The following DGKI variants were observed in gnomAD, a reference collection of about 807,000 sequenced individuals.
DGKI encodes diacylglycerol kinase iota, also known as DAG kinase iota.
In DGKI, 55 loss-of-function variants were observed where a neutral mutation model predicts 147.5. The observed-to-expected ratio is 0.37, with a 90% CI of 0.30 to 0.47. DGKI has a LOEUF of 0.47. Among genes scored for constraint, DGKI ranks in the 20% least tolerant of loss-of-function variants. The pLI, the probability that DGKI is intolerant of heterozygous loss-of-function variation, is 1.00. For synonymous variants in DGKI, 469 were observed against 477.1 expected, an observed-to-expected ratio of 0.98 and a Z score of 0.22; for missense variants, 1,007 against 1,323.8, an observed-to-expected ratio of 0.76 and a Z score of 3.71.
intron 19 of DGKI, among the ~76,000 whole-genome samples, chr7:137,553,998 C>T (rs1818136415): frequency 1.3e-5 from 2 of 152,106 alleles, no homozygotes; most frequent in African/African-American, 4.8e-5. Context: ...TGAAGTCATA[C>T]ACAGTAGTCT....
intron 4 of DGKI, among the ~76,000 whole-genome samples, chr7:137,655,946 C>T (rs1357614241): frequency 2.6e-5 from 4 of 152,206 alleles, no homozygotes; most frequent in Non-Finnish European, 4.4e-5. Flanking sequence ...ACACCACCAC[C>T]GGGATGTCAC....
intron 8 of DGKI, among the ~76,000 whole-genome samples, chr7:137,610,658 G>T (rs555211669): frequency 4.6e-4 from 70 of 152,164 alleles, no homozygotes; most frequent in Non-Finnish European, 7.6e-4. Context: ...ATATATGCAT[G>T]CATTGTTTGA....
At chr7:137,625,359 C>T (rs1820895156) in intron 6 of DGKI, among the ~76,000 whole-genome samples, 1 of 152,028 alleles carries the variant, frequency 6.6e-6, no homozygotes, top group South Asian at 2.1e-4. Flanking sequence ...ACTCGGGAGG[C>T]TGAGTCAGGA....
In DGKI at chr7:137,454,282, A is replaced by G. The variant is rs80130452; in HGVS notation, c.2735+9207T>C. ...TTAAAAAGTCTAAAAACTAATTTTA[A>G]AAAAACGCTGTTTTACCTTTAGCAT... On this transcript the variant is annotated intron_variant, in intron 27 of 32. Transcript: ENST00000614521. Among the ~76,000 whole-genome samples, 842 of 152,332 alleles carry G rather than the reference A, an allele frequency of 5.5e-3. 7 individuals are homozygous for G. The highest frequency in any genetic ancestry group is 0.019 in the African/African-American group (796 of 41,586).
At chr7:137,662,463 T>G (rs1014384339) in intron 3 of DGKI, among the ~76,000 whole-genome samples, 4 of 152,104 alleles carry the variant, frequency 2.6e-5, no homozygotes, top group African/African-American at 7.2e-5. Context: ...CGGGATGGTC[T>G]CGATCTCCTG....
chr7:137,428,719 T>G (rs1395238031), intron 28 of DGKI, among the ~76,000 whole-genome samples: 5 of 152,038 alleles, frequency 3.3e-5, no homozygotes, highest in African/African-American at 7.2e-5. Context: ...GGATACAAAA[T>G]CAATGTACAA....
At chr7:137,446,394 C>T (rs886971280) in intron 27 of DGKI, among the ~76,000 whole-genome samples, 1 of 152,220 alleles carries the variant, frequency 6.6e-6, no homozygotes, top group African/African-American at 2.4e-5. Flanking sequence ...TTTCCATCCT[C>T]ACTCAGTATT....
chr7:137,595,315 A>T (rs1458814626), intron 12 of DGKI, among the ~76,000 whole-genome samples: 1 of 152,212 alleles, frequency 6.6e-6, no homozygotes, highest in Non-Finnish European at 1.5e-5. Flanking sequence ...GGAATTTATT[A>T]AGATTGTACC....
At chr7:137,802,582 G>A (rs1797247106) in intron 1 of DGKI, among the ~76,000 whole-genome samples, 1 of 152,178 alleles carries the variant, frequency 6.6e-6, no homozygotes, top group African/African-American at 2.4e-5. Context: ...ATGAGGACAT[G>A]AGACTTGCCC....
intron 28 of DGKI, among the ~76,000 whole-genome samples, chr7:137,415,252 C>T (rs1481978073): frequency 2.0e-5 from 3 of 151,780 alleles, no homozygotes; most frequent in African/African-American, 4.8e-5. Flanking sequence ...AACCTCACAT[C>T]GAAAACATTC....
At chr7:137,578,433 A>C in intron 15 of DGKI, 108 bp from the exon 16 acceptor site, 1 of 764,698 alleles carries the variant, frequency 1.3e-6, no homozygotes, top group South Asian at 1.6e-5. Context: ...CAGATCCAAT[A>C]GATCCCATGG....
intron 30 of DGKI, among the ~76,000 whole-genome samples, chr7:137,399,973 T>C (rs1811693369): frequency 6.6e-6 from 1 of 151,954 alleles, no homozygotes; most frequent in Admixed American, 6.6e-5. Flanking sequence ...AAACAGTGCC[T>C]GGCACACCAC....
rs181914731 is a variant in DGKI at position 137,835,774 on chromosome 7, A to C, written c.401+10688T>G. Among the ~76,000 whole-genome samples the C allele has an allele frequency of 2.1e-3, 324 of 152,346 alleles. 2 individuals carry two copies. The highest frequency in any genetic ancestry group is 7.6e-3 in the African/African-American group (315 of 41,570). ...GTGATAAACCAGTGAGATTAATTCA[A>C]GTAAGTAAAATTAATGAGAGGGAAA... On this transcript the variant is annotated intron_variant, in intron 1 of 32. Transcript: ENST00000614521.
chr7:137,810,497 A>T (rs1797527547), intron 1 of DGKI, among the ~76,000 whole-genome samples: 1 of 152,240 alleles, frequency 6.6e-6, no homozygotes, highest in African/African-American at 2.4e-5. Flanking sequence ...AGAGAAAACA[A>T]GGGACATCAA....
chr7:137,769,694 C>T (rs1799002091), intron 1 of DGKI, among the ~76,000 whole-genome samples: 1 of 152,142 alleles, frequency 6.6e-6, no homozygotes, highest in South Asian at 2.1e-4. Flanking sequence ...CAAAAGAAGA[C>T]ATTTATGCGG....
chr7:137,806,534 C>T (rs946081436), intron 1 of DGKI, among the ~76,000 whole-genome samples: 4 of 152,088 alleles, frequency 2.6e-5, no homozygotes, highest in East Asian at 1.9e-4. Flanking sequence ...CCTGGGTTCA[C>T]GCCATTCTCC....
In DGKI at chr7:137,386,823, G is replaced by A. The variant is rs930815972; in HGVS notation, c.*4397C>T. The A allele has an allele frequency of 6.6e-6, 1 of 152,104 alleles. No homozygotes were observed. Among genetic ancestry groups the A allele is most frequent in the African/African-American group, 2.4e-5 (1 of 41,414 alleles). The allele number at this position is 152,104 out of a possible 1,614,324, so 9.4% of individuals were successfully genotyped here. A position where few individuals can be genotyped will look rare whatever the true frequency, so the allele number is the denominator to read the frequency against. ...GATTCAAAGGTGGTTCAATTAAGAT[G>A]CAGGCAGAAGCCATTTTATATTAAA... On this transcript the variant is annotated 3_prime_UTR_variant, in exon 33 of 33. Coordinates refer to ENST00000614521, the MANE Select transcript of DGKI (RefSeq NM_001321708.2).
chr7:137,433,888 C>T (rs1379399616), intron 28 of DGKI, among the ~76,000 whole-genome samples: 5 of 152,080 alleles, frequency 3.3e-5, no homozygotes, highest in East Asian at 1.9e-4. Flanking sequence ...GAGGCTGAGG[C>T]GGGTGGATCA....
At position 137,632,858 on chromosome 7, in the gene DGKI, C is replaced by CAAAT. The variant is rs538444514; in HGVS notation, c.805-9308_805-9305dup. 4.8e-5 allele frequency among the ~76,000 whole-genome samples: 7 copies of CAAAT among 146,800 alleles called. No homozygotes were observed. In the South Asian group the frequency reaches 6.3e-4, roughly 13 times the overall value. On this transcript the variant is annotated intron_variant, in intron 6 of 32. Transcript: ENST00000614521. ...TGGGTGACAAAACAAGACTCTGTCT[C>CAAAT]AAATAAATAAACAAACAAACAAACA... is the stretch of plus-strand genomic sequence containing the variant.
Sources: gnomAD v4.1 joint callset for allele counts (sites outside exome capture counted in the v4.1 genomes callset) on GRCh38, gnomAD v4.1.1 for gene constraint, MANE v1.5 for transcripts, NCBI Gene and HGNC (gene_info 2026-07-23, HGNC 2026-07-21) for gene names.